CNTNAP2: variants seen among roughly 807,000 people sequenced by gnomAD.
CNTNAP2 encodes the protein contactin-associated protein-like 2.
CNTNAP2 carries 98 observed loss-of-function variants against 155.2 expected under a neutral mutation model. The ratio of observed to expected loss-of-function variants is 0.63; its 90% CI spans 0.54 to 0.75. CNTNAP2 has a LOEUF of 0.75. CNTNAP2 is among the 30% of genes least tolerant of loss of function. The pLI is 0.00. For missense variants in CNTNAP2, 1,727 were observed against 1,688.1 expected (o/e 1.02, Z -0.40); for synonymous variants, 651 against 631.2 (o/e 1.03, Z -0.47).
At chr7:147,812,497 T>A (rs1253164108) in intron 13 of CNTNAP2, among the ~76,000 whole-genome samples, 1 of 151,074 alleles carries the variant, frequency 6.6e-6, no homozygotes, top group Non-Finnish European at 1.5e-5. Flanking sequence ...CTGTAATAAT[T>A]TAAAAAGTAA....
chr7:147,651,876 A>C (rs1795455034), intron 13 of CNTNAP2, among the ~76,000 whole-genome samples: 1 of 152,206 alleles, frequency 6.6e-6, no homozygotes, highest in South Asian at 2.1e-4. Context: ...ATTGAGCCAA[A>C]TACAAACATC....
At chr7:147,651,837 C>G (rs1563039454) in intron 13 of CNTNAP2, among the ~76,000 whole-genome samples, 1 of 152,200 alleles carries the variant, frequency 6.6e-6, no homozygotes, top group African/African-American at 2.4e-5. Flanking sequence ...ATTAACTCCT[C>G]ATTCTCTTAT....
chr7:146,984,100 G>T (rs939312097), intron 3 of CNTNAP2, among the ~76,000 whole-genome samples: 1 of 152,052 alleles, frequency 6.6e-6, no homozygotes, highest in Non-Finnish European at 1.5e-5. Context: ...AGGCGCGGTG[G>T]CTCATGCCTG....
chr7:147,187,280 A>G (rs1200707656), intron 8 of CNTNAP2, among the ~76,000 whole-genome samples: 1 of 152,180 alleles, frequency 6.6e-6, no homozygotes, highest in East Asian at 1.9e-4. Context: ...GCATAAAGAT[A>G]GAGAGGCTCC....
At chr7:147,786,845 T>C (rs1321686423) in intron 13 of CNTNAP2, among the ~76,000 whole-genome samples, 2 of 152,234 alleles carry the variant, frequency 1.3e-5, no homozygotes, top group Non-Finnish European at 1.5e-5. Flanking sequence ...AGCATGTAAC[T>C]GTAGTCCCTG....
intron 4 of CNTNAP2, among the ~76,000 whole-genome samples, chr7:147,054,130 T>C (rs991919323): frequency 2.0e-5 from 3 of 152,176 alleles, no homozygotes; most frequent in Non-Finnish European, 4.4e-5. Flanking sequence ...AAGGGCTTTT[T>C]ATAATCTTAG....
At chr7:146,442,605 A>G (rs1303516189) in intron 1 of CNTNAP2, among the ~76,000 whole-genome samples, 1 of 152,218 alleles carries the variant, frequency 6.6e-6, no homozygotes, top group African/African-American at 2.4e-5. Context: ...CCCCACTAAC[A>G]TCTGTGGTCC....
chr7:146,656,114 C>T (rs1799992406), intron 1 of CNTNAP2, among the ~76,000 whole-genome samples: 1 of 152,184 alleles, frequency 6.6e-6, no homozygotes. Flanking sequence ...AAAACCGCAA[C>T]CCGGTTAACC....
chr7:146,169,919 T>A (rs1374500411), intron 1 of CNTNAP2, among the ~76,000 whole-genome samples: 1 of 151,888 alleles, frequency 6.6e-6, no homozygotes. Context: ...AACGCTGCAA[T>A]GAATGTAGCA....
intron 13 of CNTNAP2, among the ~76,000 whole-genome samples, chr7:147,651,535 T>C (rs757299994): frequency 2.0e-5 from 3 of 152,222 alleles, no homozygotes; most frequent in Non-Finnish European, 2.9e-5. Context: ...ATTTATTCCC[T>C]CATTTGTATC....
At chr7:146,931,237 T>G (rs1358304575) in intron 3 of CNTNAP2, among the ~76,000 whole-genome samples, 2 of 152,046 alleles carry the variant, frequency 1.3e-5, no homozygotes, top group Admixed American at 6.6e-5. Context: ...ACAAACTGTC[T>G]CTCAGACCAC....
intron 12 of CNTNAP2, among the ~76,000 whole-genome samples, chr7:147,588,038 A>G (rs571316466): frequency 6.6e-6 from 1 of 152,170 alleles, no homozygotes; most frequent in Non-Finnish European, 1.5e-5. Flanking sequence ...CCATCCAATC[A>G]TAAATGTTCC....
At position 148,112,868 on chromosome 7, in the gene CNTNAP2, T is replaced by TAAA. The variant is rs71527879; in HGVS notation, c.2384-5243_2384-5241dup. Among the ~76,000 whole-genome samples, 7 of 149,858 alleles carry TAAA rather than the reference T, an allele frequency of 4.7e-5. No individual in the cohort carries two copies. The South Asian group carries it at 8.4e-4, about 18-fold the overall frequency. On this transcript the variant is annotated intron_variant, in intron 15 of 23. Transcript: ENST00000361727. ...AAGTAGCTCCAGAGGTTTTTTTTTTTAAAAAAAAATACAGCTGTTTAATTG... is the reference window on the plus strand; with the variant it reads ...AAGTAGCTCCAGAGGTTTTTTTTTTTAAAAAAAAAAAATACAGCTGTTTAATTG...
chr7:148,097,492 T>G (rs1312122873), intron 15 of CNTNAP2, among the ~76,000 whole-genome samples: 3 of 151,972 alleles, frequency 2.0e-5, no homozygotes, highest in African/African-American at 4.8e-5. Flanking sequence ...TACTCTTTTT[T>G]GGGGGGGCGG....
chr7:146,212,654 T>A (rs144609948), intron 1 of CNTNAP2, among the ~76,000 whole-genome samples: 131 of 152,204 alleles, frequency 8.6e-4, no homozygotes, highest in Middle Eastern at 3.4e-3. Flanking sequence ...TAAATATGAG[T>A]TTAAGTTTGA....
intron 10 of CNTNAP2, among the ~76,000 whole-genome samples, chr7:147,396,701 T>C (rs770124663): frequency 6.6e-6 from 1 of 152,034 alleles, no homozygotes; most frequent in African/African-American, 2.4e-5. Flanking sequence ...TGAGATGCTT[T>C]GTCTGTAAAC....
At chr7:147,921,209 A>G (rs1441390937) in intron 14 of CNTNAP2, among the ~76,000 whole-genome samples, 1 of 152,086 alleles carries the variant, frequency 6.6e-6, no homozygotes, top group Non-Finnish European at 1.5e-5. Context: ...GATCTTATGG[A>G]CATTCTGAGC....
chr7:147,063,378 A>G (rs1799719520), intron 4 of CNTNAP2, among the ~76,000 whole-genome samples: 2 of 152,080 alleles, frequency 1.3e-5, no homozygotes, highest in African/African-American at 2.4e-5. Flanking sequence ...AAAATGGCCA[A>G]TTGCTCAGCA....
At chr7:147,988,727 C>T (rs977088051) in intron 15 of CNTNAP2, among the ~76,000 whole-genome samples, 5 of 152,148 alleles carry the variant, frequency 3.3e-5, no homozygotes, top group Non-Finnish European at 5.9e-5. Flanking sequence ...CAGATGCAGG[C>T]GGGAGATTTC....
Sources: allele counts gnomAD v4.1 joint callset (sites outside exome capture counted in the v4.1 genomes callset), GRCh38; gene constraint gnomAD v4.1.1; transcripts MANE v1.5; gene names NCBI Gene and HGNC (gene_info 2026-07-23, HGNC 2026-07-21).